Variants in GRM4 observed in about 807,000 individuals in gnomAD.
GRM4 encodes the protein metabotropic glutamate receptor 4.
In GRM4, 28 loss-of-function variants were observed where a neutral mutation model predicts 81.7. That is an observed-to-expected ratio of 0.34 (90% CI 0.25 to 0.47). The LOEUF is 0.47. Among genes scored for constraint, GRM4 ranks in the 20% least tolerant of loss-of-function variants. The probability of loss-of-function intolerance (pLI) is 1.00; values close to 1 mark genes in which losing one functional copy is unlikely to be tolerated. For synonymous variants in GRM4, 488 were observed against 528.8 expected (o/e 0.92, Z 1.06); for missense variants, 948 against 1,290.0 (o/e 0.73, Z 4.06).
At chr6:34,050,874 C>A (rs576457193) in intron 6 of GRM4, among the ~76,000 whole-genome samples, 163 of 152,328 alleles carry the variant, frequency 1.1e-3, no homozygotes, top group Non-Finnish European at 2.1e-3. Context: ...GGTCTGTCCC[C>A]CTCACTGAGC....
At chr6:34,058,293 CACT>C (rs1766007396) in intron 5 of GRM4, among the ~76,000 whole-genome samples, 1 of 152,150 alleles carries the variant, frequency 6.6e-6, no homozygotes, top group African/African-American at 2.4e-5. Context: ...GAAGAGAGGA[CACT>C]GCTGTGTGAC....
In GRM4 at chr6:34,028,499, G is replaced by C. The variant is rs981219439; in HGVS notation, c.2443-133C>G. On this transcript the variant is annotated intron_variant, in intron 9 of 10. Transcript: ENST00000538487. Reference sequence around the variant, plus strand: ...AGAAGGAAGTCGTGGCTTGGAGCTGGGACTGCAGACCAGGGTTTCTGCATT... The same window carrying C: ...AGAAGGAAGTCGTGGCTTGGAGCTGCGACTGCAGACCAGGGTTTCTGCATT... The C allele has an allele frequency of 2.4e-5, 22 of 912,820 alleles. No homozygotes were observed. The Admixed American group carries it at 4.5e-4, about 19-fold the overall frequency. The allele number at this position is 912,820 out of a possible 1,614,324, so 56.5% of individuals were successfully genotyped here. A position where few individuals can be genotyped will look rare whatever the true frequency, so the allele number is the denominator to read the frequency against.
Position 34,058,996 on chromosome 6 carries a change from G to A in GRM4, c.1005C>T (p.Leu335=). The A allele has an allele frequency of 6.2e-7, 1 of 1,613,316 alleles. No individual in the cohort carries two copies. ...TACCTCGTACGGACATCCTCTTGGG[G>A]AGGATCGTGACAGCACCCTCAGCCA... is the stretch of plus-strand genomic sequence containing the variant. The part of the protein sequence containing the change: ...EEVAEGAVTI[L]PKRMSVRGFD... The change falls in exon 5 of 11, where the codon CTC becomes CTT. Residue 335 remains leucine, a synonymous_variant. Transcript: ENST00000538487.
At chr6:34,147,794 A>T (rs149392056), upstream of GRM4, among the ~76,000 whole-genome samples, 71 of 152,298 alleles carry the variant, frequency 4.7e-4, no homozygotes, top group East Asian at 0.013. Context: ...GTTCATAAAA[A>T]CAGAATGAAA....
In GRM4 at chr6:34,070,344, C is replaced by G. The variant is rs1766749383; in HGVS notation, c.737-8316G>C. On this transcript the variant is annotated intron_variant, in intron 3 of 10. Coordinates refer to ENST00000538487, the MANE Select transcript of GRM4 (RefSeq NM_000841.4). The surrounding 1 kb of genome is among the most constrained non-coding windows in gnomAD (Gnocchi z 4.6). ...TTCTGCTGGGATTTTACTTTCTCCA[C>G]CAAGACATCAATTCCTTATCATGAG... is the stretch of plus-strand genomic sequence containing the variant. 6.6e-6 allele frequency among the ~76,000 whole-genome samples: 1 copy of G among 152,122 alleles called. No individual in the cohort carries two copies. The highest frequency in any genetic ancestry group is 1.9e-4 in the East Asian group (1 of 5,184).
At chr6:34,025,367 G>C (rs1764080778) in intron 10 of GRM4, among the ~76,000 whole-genome samples, 1 of 152,100 alleles carries the variant, frequency 6.6e-6, no homozygotes, top group African/African-American at 2.4e-5. Flanking sequence ...AAACCCATCA[G>C]CAGCTCCTGG....
chr6:34,026,409 C>T (rs1219684461), intron 10 of GRM4, among the ~76,000 whole-genome samples: 2 of 152,132 alleles, frequency 1.3e-5, no homozygotes, highest in African/African-American at 2.4e-5. Flanking sequence ...CCCCACTTCC[C>T]TACCATGGAA....
At chr6:34,024,831 A>G in intron 10 of GRM4, 1 of 450,496 alleles carries the variant, frequency 2.2e-6, no homozygotes, top group Non-Finnish European at 4.5e-6. Context: ...TGGTGCCACA[A>G]CATCCAAAAA....
At chr6:34,149,303 C>A (rs1183769934), upstream of GRM4, among the ~76,000 whole-genome samples, 1 of 152,224 alleles carries the variant, frequency 6.6e-6, no homozygotes, top group Non-Finnish European at 1.5e-5. Flanking sequence ...CTGACCCAGC[C>A]ATCACCTCAG....
chr6:34,155,229 C>G (rs1771126778), exon 1 of GRM4: 1 of 1,535,444 alleles, frequency 6.5e-7, no homozygotes, highest in Admixed American at 2.0e-5. Flanking sequence ...CCCACACACA[C>G]CGGCAAAATC....
intron 2 of GRM4, among the ~76,000 whole-genome samples, chr6:34,094,884 C>T (rs1397079015): frequency 6.6e-6 from 1 of 152,208 alleles, no homozygotes; most frequent in Non-Finnish European, 1.5e-5. Flanking sequence ...TCACTCATCC[C>T]TATTCCTCCT....
intron 1 of GRM4, among the ~76,000 whole-genome samples, chr6:34,143,926 G>A (rs1359376452): frequency 6.6e-6 from 1 of 152,224 alleles, no homozygotes; most frequent in East Asian, 1.9e-4. Context: ...TGTCACTTCG[G>A]GCTTTCTGCC....
At chr6:34,117,777 C>A (rs78765617) in intron 2 of GRM4, among the ~76,000 whole-genome samples, 6,425 of 152,246 alleles carry the variant, frequency 0.042, 198 homozygotes, top group East Asian at 0.12. Flanking sequence ...GGAAGGGCCT[C>A]CCACCTCCTG....
chr6:34,020,277 T>A lies in GRM4; in HGVS notation c.*2544A>T, dbSNP rs1763823627. On this transcript the variant is annotated 3_prime_UTR_variant, in exon 11 of 11. Coordinates refer to ENST00000538487, the MANE Select transcript of GRM4 (RefSeq NM_000841.4). ...GGGGAGCCGAGGGGCAGCATCCCCC[T>A]TGGAGAGGTGATTCTCCTGTTAGAA... 1 of 152,300 alleles carries A rather than the reference T, an allele frequency of 6.6e-6. No individual in the cohort carries two copies. The highest frequency in any genetic ancestry group is 2.4e-5 in the African/African-American group (1 of 41,436). 9.4% of individuals were successfully genotyped at this position (152,300 alleles called of 1,614,324 possible). A position where few individuals can be genotyped will look rare whatever the true frequency, so the allele number is the denominator to read the frequency against.
intron 1 of GRM4, among the ~76,000 whole-genome samples, chr6:34,141,703 C>T (rs1019101253): frequency 6.7e-6 from 1 of 150,086 alleles, no homozygotes; most frequent in Admixed American, 6.6e-5. Context: ...GGCAGGGCCG[C>T]GGGGTGGGCT....
intron 1 of GRM4, among the ~76,000 whole-genome samples, chr6:34,138,220 A>G (rs1302102597): frequency 2.0e-5 from 3 of 152,086 alleles, no homozygotes; most frequent in African/African-American, 7.2e-5. Flanking sequence ...GTCAGCTCCC[A>G]TAGGAAAAGG....
chr6:34,074,082 C>T lies in GRM4; in HGVS notation c.737-12054G>A, dbSNP rs902674930. 8.5e-5 allele frequency among the ~76,000 whole-genome samples: 13 copies of T among 152,190 alleles called. No homozygotes were observed. The highest frequency in any genetic ancestry group is 3.1e-4 in the African/African-American group (13 of 41,440). On this transcript the variant is annotated intron_variant, in intron 3 of 10. Coordinates refer to ENST00000538487, the MANE Select transcript of GRM4 (RefSeq NM_000841.4). The surrounding 1 kb of genome is among the most constrained non-coding windows in gnomAD (Gnocchi z 4.9). ...CTCTCCATTCCTGCCCATCCCTTCC[C>T]CTGCCAGGAGAACGGGGCTGGATCT...
chr6:34,155,598 G>T, exon 1 of GRM4: 1 of 465,468 alleles, frequency 2.1e-6, no homozygotes, highest in Non-Finnish European at 3.8e-6. Flanking sequence ...GGGCTCAAGC[G>T]ATCCTCCAGC....
chr6:34,056,330 G>C, intron 6 of GRM4: 2 of 579,530 alleles, frequency 3.5e-6, no homozygotes, highest in African/African-American at 3.7e-5. Flanking sequence ...CACTCCCAAG[G>C]ATCTCAAGGC....
Sources: allele counts gnomAD v4.1 joint callset (sites outside exome capture counted in the v4.1 genomes callset), GRCh38; gene constraint gnomAD v4.1.1; non-coding constraint Gnocchi (gnomAD v3.1); transcripts MANE v1.5; gene names NCBI Gene and HGNC (gene_info 2026-07-23, HGNC 2026-07-21).